The following LHPP variants were observed in gnomAD, a reference collection of about 807,000 sequenced individuals.
LHPP encodes hLHPP.
A neutral mutation model predicts 30.3 loss-of-function variants in LHPP; 24 were observed. The ratio of observed to expected loss-of-function variants is 0.79; its 90% CI spans 0.57 to 1.11. The LOEUF (loss-of-function observed/expected upper bound fraction) is 1.11. LHPP is among the 50% of genes most tolerant of loss of function. The probability of loss-of-function intolerance (pLI) is 0.00; values close to 1 mark genes in which losing one functional copy is unlikely to be tolerated. For synonymous variants in LHPP, 150 were observed against 157.1 expected (o/e 0.95, Z 0.34); for missense variants, 356 against 367.2 (o/e 0.97, Z 0.25).
chr10:124,578,162 T>G (rs1199412441), intron 6 of LHPP, among the ~76,000 whole-genome samples: 1 of 152,314 alleles, frequency 6.6e-6, no homozygotes, highest in Admixed American at 6.5e-5. Flanking sequence ...CACCACATGC[T>G]GTCACCTCCA....
intron 1 of LHPP, among the ~76,000 whole-genome samples, chr10:124,464,033 G>A (rs549361770): frequency 2.0e-5 from 3 of 152,044 alleles, no homozygotes; most frequent in African/African-American, 4.8e-5. Context: ...TGCCCAGGCC[G>A]GTCTTGAACT....
chr10:124,509,917 G>A (rs894425368), intron 5 of LHPP, among the ~76,000 whole-genome samples: 2 of 152,112 alleles, frequency 1.3e-5, no homozygotes, highest in East Asian at 1.9e-4. Flanking sequence ...CCAAAGCATC[G>A]CCGCCTGTTA....
intron 1 of LHPP, among the ~76,000 whole-genome samples, chr10:124,472,799 C>A (rs1246910965): frequency 6.6e-6 from 1 of 152,192 alleles, no homozygotes; most frequent in East Asian, 1.9e-4. Flanking sequence ...CTCAGGTGAT[C>A]CGCCCGCCTC....
intron 6 of LHPP, among the ~76,000 whole-genome samples, chr10:124,581,104 TTCTG>T (rs1289860369): frequency 6.6e-6 from 1 of 152,248 alleles, no homozygotes; most frequent in Non-Finnish European, 1.5e-5. Flanking sequence ...CTCATCTGCT[TTCTG>T]CCTTTGTGGG....
chr10:124,482,004 C>T (rs1447114434), intron 1 of LHPP, among the ~76,000 whole-genome samples: 1 of 152,144 alleles, frequency 6.6e-6, no homozygotes, highest in Non-Finnish European at 1.5e-5. Context: ...TCAGCTCCAT[C>T]TCCAAAGTCT....
intron 3 of LHPP, among the ~76,000 whole-genome samples, chr10:124,492,240 A>G (rs1953554433): frequency 6.7e-6 from 1 of 150,288 alleles, no homozygotes. Flanking sequence ...TCAAAAATGG[A>G]CAAGTGAAAG....
chr10:124,532,688 T>G (rs905689466), intron 6 of LHPP, among the ~76,000 whole-genome samples: 1 of 152,226 alleles, frequency 6.6e-6, no homozygotes, highest in Non-Finnish European at 1.5e-5. Flanking sequence ...ATTTCTGCAT[T>G]TGTGGTTCTC....
rs1246579484 is a variant in LHPP at position 124,470,490 on chromosome 10, G to A, written c.125+8503G>A. ...GGTGCCTTCGGGATCCTGATAAAAC[G>A]TAGGTGCCTCCTAGTAGGTCTGGAA... On this transcript the variant is annotated intron_variant, in intron 1 of 6. Coordinates refer to ENST00000368842, the MANE Select transcript of LHPP (RefSeq NM_022126.4). 2.0e-5 allele frequency among the ~76,000 whole-genome samples: 3 copies of A among 152,094 alleles called. No homozygotes were observed. In the East Asian group the frequency reaches 5.8e-4, roughly 29 times the overall value.
chr10:124,483,910 A>G (rs529873982), intron 1 of LHPP, among the ~76,000 whole-genome samples: 45 of 152,148 alleles, frequency 3.0e-4, no homozygotes, highest in African/African-American at 9.4e-4. Flanking sequence ...TGAGGATGGA[A>G]AAGAGTTGTC....
chr10:124,476,017 C>G (rs1313998594), intron 1 of LHPP, among the ~76,000 whole-genome samples: 1 of 152,172 alleles, frequency 6.6e-6, no homozygotes, highest in Non-Finnish European at 1.5e-5. Context: ...TCCCTGTGAT[C>G]TGGGCTCCGT....
intron 6 of LHPP, among the ~76,000 whole-genome samples, chr10:124,581,174 T>C (rs1215353089): frequency 9.2e-5 from 14 of 152,118 alleles, no homozygotes; most frequent in Non-Finnish European, 1.5e-5. Context: ...TGGCCTTTTC[T>C]GTCTTCTTTT....
At chr10:124,469,723 C>A (rs575848965) in intron 1 of LHPP, among the ~76,000 whole-genome samples, 7 of 152,214 alleles carry the variant, frequency 4.6e-5, no homozygotes, top group African/African-American at 1.4e-4. Context: ...ACTAAAGACA[C>A]CATCCTAGGC....
intron 3 of LHPP, chr10:124,493,777 G>A (rs1371074178): frequency 6.6e-6 from 1 of 152,118 alleles, no homozygotes; most frequent in Non-Finnish European, 1.5e-5. Context: ...GGCTGCCGTT[G>A]GCTGGGTTAA....
At chr10:124,595,134 C>T (rs775724622) in intron 6 of LHPP, among the ~76,000 whole-genome samples, 5 of 152,242 alleles carry the variant, frequency 3.3e-5, no homozygotes, top group Non-Finnish European at 7.3e-5. Context: ...CCCCAGGTGA[C>T]AGCCTCTGGT....
intron 5 of LHPP, among the ~76,000 whole-genome samples, chr10:124,504,664 A>C (rs1468648812): frequency 4.6e-5 from 7 of 150,708 alleles, no homozygotes; most frequent in African/African-American, 1.5e-4. Context: ...GGGAAGGGGA[A>C]GGGAAGAGAG....
At chr10:124,533,361 G>C (rs1954943668) in intron 6 of LHPP, among the ~76,000 whole-genome samples, 1 of 152,228 alleles carries the variant, frequency 6.6e-6, no homozygotes, top group Non-Finnish European at 1.5e-5. Context: ...GGGGCGGCAG[G>C]GGCGTGGGGG....
rs901141687 is a variant in LHPP at position 124,590,125 on chromosome 10, C to G, written c.717-23139C>G. Among the ~76,000 whole-genome samples, 3 of 152,182 alleles carry G rather than the reference C, an allele frequency of 2.0e-5. No individual in the cohort carries two copies. Among genetic ancestry groups the G allele is most frequent in the African/African-American group, 7.2e-5 (3 of 41,418 alleles). On this transcript the variant is annotated intron_variant, in intron 6 of 6. Coordinates refer to ENST00000368842, the MANE Select transcript of LHPP (RefSeq NM_022126.4). The surrounding 1 kb of genome is among the most constrained non-coding windows in gnomAD (Gnocchi z 4.3). ...AATAGTGTGAACAGCTCATTCGATT[C>G]GTTCATGTGACGTCCTCCCTCTCCC...
At chr10:124,539,306 C>T (rs1214566625) in intron 6 of LHPP, among the ~76,000 whole-genome samples, 1 of 152,174 alleles carries the variant, frequency 6.6e-6, no homozygotes, top group African/African-American at 2.4e-5. Context: ...CAGGGCACTT[C>T]GGGCCTCAGT....
chr10:124,523,452 C>T lies in LHPP; in HGVS notation c.716+6181C>T, dbSNP rs1016762183. Among the ~76,000 whole-genome samples the T allele has an allele frequency of 3.9e-5, 6 of 152,216 alleles. No homozygotes were observed. The highest frequency in any genetic ancestry group is 7.2e-5 in the African/African-American group (3 of 41,454). ...GGCCTTTGACCTTGGAAGCGGCTGC[C>T]GTCAAAGCAGCAGCTTGTCCTGGGT... On this transcript the variant is annotated intron_variant, in intron 6 of 6. Transcript: ENST00000368842. This position sits in a 1 kb window ranked among gnomAD's most constrained non-coding sequence, Gnocchi z 4.2.
Sources: gnomAD v4.1 joint callset for allele counts (sites outside exome capture counted in the v4.1 genomes callset) on GRCh38, gnomAD v4.1.1 for gene constraint, Gnocchi (gnomAD v3.1) non-coding constraint, MANE v1.5 for transcripts, NCBI Gene and HGNC (gene_info 2026-07-23, HGNC 2026-07-21) for gene names.